Variants in XPO7 observed in about 807,000 individuals in gnomAD.
The protein encoded by XPO7 is exportin 7.
In XPO7, 21 loss-of-function variants were observed where a neutral mutation model predicts 144.3. The observed-to-expected ratio is 0.15, with a 90% CI of 0.10 to 0.21. XPO7 has a LOEUF of 0.21. Ranked by LOEUF, XPO7 falls within the 10% of genes least tolerant of loss-of-function variation. The pLI is 1.00. For missense variants in XPO7, 808 were observed against 1,325.8 expected (o/e 0.61, Z 6.06); for synonymous variants, 580 against 499.6 (o/e 1.16, Z -2.15).
chr8:21,924,754 T>C (rs1391569553), intron 1 of XPO7, among the ~76,000 whole-genome samples: 1 of 152,236 alleles, frequency 6.6e-6, no homozygotes, highest in African/African-American at 2.4e-5. Flanking sequence ...CAACATTTTA[T>C]TGAGAAACTG....
At chr8:21,999,386 C>G in intron 23 of XPO7, 81 bp downstream of exon 23, 1 of 1,583,608 alleles carries the variant, frequency 6.3e-7, no homozygotes, top group Non-Finnish European at 8.6e-7. Flanking sequence ...TTGAACACTG[C>G]TCTTGAGAAA....
chr8:21,970,430 A>G, intron 4 of XPO7, 120 bp downstream of exon 4: 1 of 1,034,956 alleles, frequency 9.7e-7, no homozygotes, highest in Non-Finnish European at 1.3e-6. Flanking sequence ...CATGACACAA[A>G]ATAGAATTAT....
intron 1 of XPO7, among the ~76,000 whole-genome samples, chr8:21,937,740 C>G (rs1406509318): frequency 6.6e-6 from 1 of 152,058 alleles, no homozygotes; most frequent in Non-Finnish European, 1.5e-5. Context: ...AATCAGTACC[C>G]GATTCTTGGT....
Position 21,949,760 on chromosome 8 carries a change from CTT to C in XPO7, c.19-17095_19-17094del, listed in dbSNP as rs1206187321. ...GTTGTTTGTTTTTGAGATGGAGTCTCTTTCTGTTGCCTAGGCTGGAGTGCAGT... is the reference window on the plus strand; with the variant it reads ...GTTGTTTGTTTTTGAGATGGAGTCTCTCTGTTGCCTAGGCTGGAGTGCAGT... On this transcript the variant is annotated intron_variant, in intron 1 of 27. Transcript: ENST00000252512. Among the ~76,000 whole-genome samples, 4 of 152,306 alleles carry C rather than the reference CTT, an allele frequency of 2.6e-5. No individual in the cohort carries two copies. The East Asian group carries it at 7.7e-4, about 29-fold the overall frequency.
intron 4 of XPO7, 150 bp from the exon 5 acceptor site, chr8:21,971,726 C>G: frequency 2.1e-6 from 1 of 485,642 alleles, no homozygotes; most frequent in East Asian, 3.2e-5. Context: ...TCCAGCAAAA[C>G]AACAGTTTTA....
At chr8:21,946,257 TATAAA>T (rs1161782385) in intron 1 of XPO7, among the ~76,000 whole-genome samples, 44 of 152,228 alleles carry the variant, frequency 2.9e-4, no homozygotes, top group African/African-American at 9.4e-4. Flanking sequence ...GATACAGAAT[TATAAA>T]ATAAGTTAAT....
chr8:21,946,168 TG>T, intron 1 of XPO7, among the ~76,000 whole-genome samples: 1 of 152,230 alleles, frequency 6.6e-6, no homozygotes, highest in East Asian at 1.9e-4. Context: ...CAGCACAAAC[TG>T]TAAGTAGCAG....
At chr8:21,924,651 G>A (rs181102763) in intron 1 of XPO7, among the ~76,000 whole-genome samples, 289 of 152,156 alleles carry the variant, frequency 1.9e-3, no homozygotes, top group African/African-American at 6.0e-3. Flanking sequence ...GGGAGAGTGT[G>A]CCTACACAAA....
At position 21,957,210 on chromosome 8, in the gene XPO7, C is replaced by G. The variant is rs147974681; in HGVS notation, c.19-9647C>G. Among the ~76,000 whole-genome samples, 452 of 152,192 alleles carry G rather than the reference C, an allele frequency of 3.0e-3. 3 individuals are homozygous for G. The highest frequency in any genetic ancestry group is 0.011 in the African/African-American group (443 of 41,506). ...TCAGCGGCACTCCCACTTCATTGACCTATTTGTTACAGGGTGCCCATAGCT... is the reference window on the plus strand; with the variant it reads ...TCAGCGGCACTCCCACTTCATTGACGTATTTGTTACAGGGTGCCCATAGCT... On this transcript the variant is annotated intron_variant, in intron 1 of 27. Coordinates refer to ENST00000252512, the MANE Select transcript of XPO7 (RefSeq NM_015024.5).
At position 21,946,586 on chromosome 8, in the gene XPO7, CA is replaced by C. The variant is rs11462969; in HGVS notation, c.19-20259del. On this transcript the variant is annotated intron_variant, in intron 1 of 27. Coordinates refer to ENST00000252512, the MANE Select transcript of XPO7 (RefSeq NM_015024.5). ...CTTTTCTAGAACTGAAAAAAAAAAA[CA>C]AAAAAAAAAAACATGAATCTAAGTT... Among the ~76,000 whole-genome samples the C allele has an allele frequency of 2.5e-3, 298 of 121,586 alleles. 2 individuals are homozygous for C. The highest frequency in any genetic ancestry group is 4.3e-3 in the African/African-American group (146 of 34,352). The allele number at this position is 121,586 out of a possible 152,430, so 79.8% of individuals were successfully genotyped here. A position where few individuals can be genotyped will look rare whatever the true frequency, so the allele number is the denominator to read the frequency against.
chr8:21,976,905 T>C (rs1448722102), intron 7 of XPO7, among the ~76,000 whole-genome samples: 1 of 152,180 alleles, frequency 6.6e-6, no homozygotes, highest in Non-Finnish European at 1.5e-5. Context: ...GTGATTCTCC[T>C]ATCTTGGCCT....
At chr8:21,929,366 G>A (rs1225278762) in intron 1 of XPO7, among the ~76,000 whole-genome samples, 1 of 152,174 alleles carries the variant, frequency 6.6e-6, no homozygotes, top group Non-Finnish European at 1.5e-5. Flanking sequence ...TGTTATCCAT[G>A]TATGTCCTGT....
chr8:21,984,919 C>T (rs767117371), intron 12 of XPO7, 80 bp downstream of exon 12: 270 of 1,440,260 alleles, frequency 1.9e-4, no homozygotes, highest in Non-Finnish European at 2.5e-4. Flanking sequence ...CCACCTCTTT[C>T]CTACCTCCCT....
Position 21,971,872 on chromosome 8 carries a change from C to G in XPO7, c.427-4C>G. On this transcript the variant is annotated splice_polypyrimidine_tract_variant and splice_region_variant and intron_variant, in intron 4 of 27. Coordinates refer to ENST00000252512, the MANE Select transcript of XPO7 (RefSeq NM_015024.5). Reference sequence around the variant, plus strand: ...TCTTTCTACCTTATACTTTTTTTAACCAGGATAGTGTTGAATACTGCATCA... The same window carrying G: ...TCTTTCTACCTTATACTTTTTTTAAGCAGGATAGTGTTGAATACTGCATCA... 1 of 1,609,792 alleles carries G rather than the reference C, an allele frequency of 6.2e-7. No homozygotes were observed. The highest frequency in any genetic ancestry group is 8.5e-7 in the Non-Finnish European group (1 of 1,177,742).
At chr8:21,956,388 G>C (rs1179554977) in intron 1 of XPO7, among the ~76,000 whole-genome samples, 1 of 152,228 alleles carries the variant, frequency 6.6e-6, no homozygotes, top group Non-Finnish European at 1.5e-5. Flanking sequence ...CCAGTGGTGT[G>C]CCTCGGGTGT....
intron 7 of XPO7, 29 bp from the exon 8 acceptor site, chr8:21,977,738 AAAG>A (rs1470973960): frequency 6.2e-7 from 1 of 1,607,790 alleles, no homozygotes; most frequent in African/African-American, 1.3e-5. Flanking sequence ...CATACTTAAT[AAAG>A]TGATGTCTTT....
chr8:21,989,763 G>C (rs1291351726), intron 16 of XPO7, among the ~76,000 whole-genome samples: 2 of 140,904 alleles, frequency 1.4e-5, no homozygotes, highest in Non-Finnish European at 3.0e-5. Context: ...TGATTATTTG[G>C]GGAAACTGCT....
intron 1 of XPO7, among the ~76,000 whole-genome samples, chr8:21,935,866 C>G (rs1198187317): frequency 6.6e-6 from 1 of 152,142 alleles, no homozygotes; most frequent in Non-Finnish European, 1.5e-5. Context: ...CTCTCTCTGT[C>G]TCGTCTGCAA....
At chr8:21,944,303 T>TG (rs766713907) in intron 1 of XPO7, among the ~76,000 whole-genome samples, 36 of 152,266 alleles carry the variant, frequency 2.4e-4, no homozygotes, top group Non-Finnish European at 2.6e-4. Flanking sequence ...TCAAACGCGG[T>TG]GGCCCTGTAA....
Sources: allele counts gnomAD v4.1 joint callset (sites outside exome capture counted in the v4.1 genomes callset), GRCh38; gene constraint gnomAD v4.1.1; transcripts MANE v1.5; gene names NCBI Gene and HGNC (gene_info 2026-07-23, HGNC 2026-07-21).